C12orf42: variants seen among roughly 807,000 people sequenced by gnomAD.
The protein encoded by C12orf42 is chromosome 12 open reading frame 42, also known as uncharacterized protein C12orf42.
In C12orf42, 25 loss-of-function variants were observed where a neutral mutation model predicts 21.6. The observed-to-expected ratio is 1.16, with a 90% CI of 0.84 to 1.62. C12orf42 has a LOEUF of 1.62. Among genes scored for constraint, C12orf42 ranks in the 40% most tolerant of loss-of-function variants. The pLI, the probability that C12orf42 is intolerant of heterozygous loss-of-function variation, is 0.00. For synonymous variants in C12orf42, 174 were observed against 175.0 expected (o/e 0.99, Z 0.05); for missense variants, 483 against 459.3 (o/e 1.05, Z -0.47).
intron 4 of C12orf42, among the ~76,000 whole-genome samples, chr12:103,335,734 C>T (rs533503702): frequency 8.5e-5 from 13 of 152,286 alleles, no homozygotes; most frequent in Middle Eastern, 3.4e-3. Flanking sequence ...GACCATCCTA[C>T]CATGGCAGAA....
intron 4 of C12orf42, among the ~76,000 whole-genome samples, chr12:103,321,877 AG>A (rs2040166387): frequency 1.4e-5 from 2 of 139,686 alleles, no homozygotes; most frequent in Non-Finnish European, 3.1e-5. Flanking sequence ...GGGTGGGGGA[AG>A]GGGGGAGGGA....
At chr12:103,060,672 A>G in the C12orf42 span, among the ~76,000 whole-genome samples, 4 of 152,172 alleles carry the variant, frequency 2.6e-5, no homozygotes, top group African/African-American at 9.7e-5. Context: ...AAAACACTGC[A>G]TATCTACAAC....
intron 4 of C12orf42, among the ~76,000 whole-genome samples, chr12:103,336,894 C>T (rs1404122496): frequency 6.6e-6 from 1 of 152,216 alleles, no homozygotes; most frequent in East Asian, 1.9e-4. Context: ...CTTGGTTGAA[C>T]AAAGGGTTCT....
chr12:103,495,044 CTAGAAG>C (rs1054585947), intron 1 of C12orf42, among the ~76,000 whole-genome samples: 23 of 151,964 alleles, frequency 1.5e-4, no homozygotes, highest in African/African-American at 5.3e-4. Context: ...AAGGCCAGCT[CTAGAAG>C]TAGGGACAGG....
At chr12:103,506,337 A>C in the C12orf42 span, among the ~76,000 whole-genome samples, 20 of 145,660 alleles carry the variant, frequency 1.4e-4, no homozygotes, top group South Asian at 2.4e-4. Context: ...CAAAACAAAA[A>C]AAAAACCAGT....
chr12:103,107,446 T>C, the C12orf42 span, among the ~76,000 whole-genome samples: 1 of 151,918 alleles, frequency 6.6e-6, no homozygotes, highest in Admixed American at 6.6e-5. Flanking sequence ...CACGAGTAAG[T>C]ATAAAAAAAT....
At chr12:103,238,733 C>T (rs748635489) in intron 10 of C12orf42, among the ~76,000 whole-genome samples, 10 of 152,234 alleles carry the variant, frequency 6.6e-5, no homozygotes, top group Admixed American at 2.6e-4. Context: ...GAGTGCAGCA[C>T]GGTGAGAAAG....
At chr12:103,393,419 G>A (rs1402210440) in intron 3 of C12orf42, among the ~76,000 whole-genome samples, 3 of 152,082 alleles carry the variant, frequency 2.0e-5, no homozygotes, top group Non-Finnish European at 4.4e-5. Context: ...AGGGATCCAC[G>A]TCCATAACCC....
intron 2 of C12orf42, among the ~76,000 whole-genome samples, chr12:103,464,709 T>A (rs917248515): frequency 6.6e-6 from 1 of 152,226 alleles, no homozygotes; most frequent in African/African-American, 2.4e-5. Context: ...GTTTTACTTT[T>A]AAGTCTTTAA....
rs527698670 is a variant in C12orf42, at chr12:103,434,813, G to C, written c.79-33138C>G. ...TGAGATCAAACTGCAAGGCGGCAGC[G>C]AGGCTGGGGGAGGGGCGACTGCCGT... On this transcript the variant is annotated intron_variant, in intron 2 of 5. Transcript: ENST00000548883. Among the ~76,000 whole-genome samples the C allele has an allele frequency of 2.1e-3, 313 of 152,282 alleles. 3 individuals carry two copies. The highest frequency in any genetic ancestry group is 7.1e-3 in the African/African-American group (294 of 41,582).
intron 2 of C12orf42, among the ~76,000 whole-genome samples, chr12:103,476,664 T>C (rs1475442176): frequency 1.3e-5 from 2 of 152,282 alleles, no homozygotes; most frequent in East Asian, 3.9e-4. Flanking sequence ...AAAGAGTAAA[T>C]GTGTACTTTA....
At chr12:103,065,905 A>G in the C12orf42 span, among the ~76,000 whole-genome samples, 1 of 152,198 alleles carries the variant, frequency 6.6e-6, no homozygotes, top group Non-Finnish European at 1.5e-5. Context: ...AGTGGGGTCC[A>G]GAACAGGAGA....
the C12orf42 span, among the ~76,000 whole-genome samples, chr12:103,089,485 C>A: frequency 1.3e-5 from 2 of 152,170 alleles, no homozygotes; most frequent in African/African-American, 4.8e-5. Flanking sequence ...CTGATTCATA[C>A]TGGCCCGTAA....
the C12orf42 span, among the ~76,000 whole-genome samples, chr12:103,126,714 G>A: frequency 2.8e-4 from 42 of 149,684 alleles, no homozygotes; most frequent in Non-Finnish European, 5.3e-4. Context: ...AAATGCCTTA[G>A]TTAGATGCTT....
At chr12:103,074,090 G>C in the C12orf42 span, among the ~76,000 whole-genome samples, 1 of 152,112 alleles carries the variant, frequency 6.6e-6, no homozygotes, top group Admixed American at 6.5e-5. Flanking sequence ...CTTCTCTACA[G>C]ACAAATAAAA....
chr12:103,327,673 C>T (rs1339140124), intron 4 of C12orf42, among the ~76,000 whole-genome samples: 1 of 152,168 alleles, frequency 6.6e-6, no homozygotes, highest in African/African-American at 2.4e-5. Flanking sequence ...TAATATTTAC[C>T]ATACATACAG....
Position 103,337,264 on chromosome 12 carries a change from C to T in C12orf42, c.260-30919G>A, listed in dbSNP as rs182574287. ...TGAAAAGTTTGCTCCTATCTGGTGG[C>T]TTATAAGTCCCACTGGAGTTCTGGG... On this transcript the variant is annotated intron_variant, in intron 4 of 5. Coordinates refer to ENST00000548883, the MANE Select transcript of C12orf42 (RefSeq NM_198521.5). 5.6e-3 allele frequency among the ~76,000 whole-genome samples: 858 copies of T among 152,318 alleles called. 2 individuals carry two copies. The highest frequency in any genetic ancestry group is 0.02 in the African/African-American group (812 of 41,564).
intron 3 of C12orf42, among the ~76,000 whole-genome samples, chr12:103,383,397 C>T (rs576110516): frequency 6.6e-6 from 1 of 152,122 alleles, no homozygotes; most frequent in Non-Finnish European, 1.5e-5. Context: ...AGCCACTGCG[C>T]CTGGCCTCAT....
the C12orf42 span, among the ~76,000 whole-genome samples, chr12:103,530,358 C>T: frequency 5.3e-5 from 8 of 152,148 alleles, no homozygotes; most frequent in African/African-American, 1.7e-4. Flanking sequence ...GGGGCCAAGG[C>T]GTGCTGGAGA....
Sources: gnomAD v4.1 joint callset for allele counts (sites outside exome capture counted in the v4.1 genomes callset) on GRCh38, gnomAD v4.1.1 for gene constraint, MANE v1.5 for transcripts, NCBI Gene and HGNC (gene_info 2026-07-23, HGNC 2026-07-21) for gene names.